NTNG1: variants seen among roughly 807,000 people sequenced by gnomAD.
The protein encoded by NTNG1 is netrin-G1.
NTNG1 carries 16 observed loss-of-function variants against 54.0 expected under a neutral mutation model. The ratio of observed to expected loss-of-function variants is 0.30; its 90% CI spans 0.20 to 0.45. The LOEUF (loss-of-function observed/expected upper bound fraction) is 0.45. NTNG1 is among the 20% of genes least tolerant of loss of function. The pLI is 1.00. For synonymous variants in NTNG1, 255 were observed against 263.1 expected (o/e 0.97, Z 0.30); for missense variants, 530 against 678.7 (o/e 0.78, Z 2.43).
At chr1:107,166,450 G>T (rs982145366) in intron 2 of NTNG1, among the ~76,000 whole-genome samples, 1 of 151,976 alleles carries the variant, frequency 6.6e-6, no homozygotes, top group Non-Finnish European at 1.5e-5. Context: ...ATCTTTAAAT[G>T]CAATAATGTA....
At chr1:107,380,097 T>C (rs917496120) in intron 3 of NTNG1, among the ~76,000 whole-genome samples, 2 of 152,224 alleles carry the variant, frequency 1.3e-5, no homozygotes, top group African/African-American at 4.8e-5. Flanking sequence ...GAGAACTGTC[T>C]GCAGTGACCT....
intron 3 of NTNG1, among the ~76,000 whole-genome samples, chr1:107,340,729 T>C (rs1034989819): frequency 3.9e-5 from 6 of 152,060 alleles, no homozygotes; most frequent in African/African-American, 1.4e-4. Context: ...CTGGTTTACA[T>C]AGAGAGGCAA....
chr1:107,284,765 A>C (rs1665087553), intron 2 of NTNG1, among the ~76,000 whole-genome samples: 2 of 152,074 alleles, frequency 1.3e-5, no homozygotes, highest in African/African-American at 4.8e-5. Context: ...TTTTTTCTCC[A>C]TTACAGTATT....
chr1:107,244,045 T>C (rs1359028423), intron 2 of NTNG1, among the ~76,000 whole-genome samples: 1 of 152,178 alleles, frequency 6.6e-6, no homozygotes, highest in East Asian at 1.9e-4. Flanking sequence ...TTTCAATCCA[T>C]GGCAATAATT....
chr1:107,222,226 A>G (rs1175185354), intron 2 of NTNG1, among the ~76,000 whole-genome samples: 1 of 151,990 alleles, frequency 6.6e-6, no homozygotes, highest in Non-Finnish European at 1.5e-5. Context: ...CCCACATGTT[A>G]TCTGTCTCTC....
chr1:107,367,463 A>G (rs1397222712), intron 3 of NTNG1, among the ~76,000 whole-genome samples: 1 of 152,124 alleles, frequency 6.6e-6, no homozygotes, highest in African/African-American at 2.4e-5. Flanking sequence ...CTTCATTTGT[A>G]ACTAAGATCA....
intron 3 of NTNG1, among the ~76,000 whole-genome samples, chr1:107,337,802 G>C (rs1447681938): frequency 6.6e-6 from 1 of 151,966 alleles, no homozygotes; most frequent in African/African-American, 2.4e-5. Flanking sequence ...ATGTTCAACA[G>C]GTTTCGAAGT....
intron 2 of NTNG1, among the ~76,000 whole-genome samples, chr1:107,170,151 C>A (rs532932306): frequency 2.0e-5 from 3 of 152,134 alleles, no homozygotes; most frequent in Admixed American, 6.6e-5. Flanking sequence ...GTAGCCTAGA[C>A]GAGTTGATGC....
chr1:107,348,885 A>G (rs1669426200), intron 3 of NTNG1, among the ~76,000 whole-genome samples: 1 of 152,050 alleles, frequency 6.6e-6, no homozygotes. Flanking sequence ...TCTCAACTCT[A>G]TTTTCCACTC....
chr1:107,337,380 A>G (rs185075083), intron 3 of NTNG1, among the ~76,000 whole-genome samples: 1 of 152,190 alleles, frequency 6.6e-6, no homozygotes. Flanking sequence ...ATGTTACATG[A>G]TATGCAACTT....
intron 2 of NTNG1, among the ~76,000 whole-genome samples, chr1:107,208,717 C>G (rs1385486823): frequency 6.6e-6 from 1 of 152,094 alleles, no homozygotes; most frequent in Non-Finnish European, 1.5e-5. Flanking sequence ...AGGCATGTAT[C>G]CCCTACTCTC....
At chr1:107,468,809 A>G (rs1485749638) in intron 7 of NTNG1, among the ~76,000 whole-genome samples, 1 of 151,702 alleles carries the variant, frequency 6.6e-6, no homozygotes, top group Non-Finnish European at 1.5e-5. Context: ...ATGAAAAATG[A>G]TAGGAAGGCC....
In NTNG1 at chr1:107,220,220, A is replaced by T. The variant is rs772136933; in HGVS notation, c.246+71381A>T. Among the ~76,000 whole-genome samples the T allele has an allele frequency of 2.0e-4, 30 of 152,184 alleles. 1 individual carries two copies. Among genetic ancestry groups the T allele is most frequent in the Non-Finnish European group, 4.4e-5 (3 of 68,024 alleles). ...GCCCTCCTCACCCTCCGCCAACAGC[A>T]CTGAGTTTATTTCCAGGCAGCTGGT... On this transcript the variant is annotated intron_variant, in intron 2 of 7. Coordinates refer to ENST00000370068, the MANE Select transcript of NTNG1 (RefSeq NM_001113226.3).
intron 2 of NTNG1, among the ~76,000 whole-genome samples, chr1:107,152,993 G>T (rs1469231974): frequency 6.6e-6 from 1 of 152,140 alleles, no homozygotes; most frequent in Non-Finnish European, 1.5e-5. Flanking sequence ...GCTCTCGATA[G>T]GCATTTATTC....
chr1:107,146,725 A>T (rs138651381), intron 1 of NTNG1, among the ~76,000 whole-genome samples: 71 of 152,228 alleles, frequency 4.7e-4, no homozygotes, highest in East Asian at 3.3e-3. Flanking sequence ...TGAATTGAAT[A>T]TAATGAAAAT....
At chr1:107,246,274 C>T (rs547656933) in intron 2 of NTNG1, among the ~76,000 whole-genome samples, 1 of 152,186 alleles carries the variant, frequency 6.6e-6, no homozygotes, top group African/African-American at 2.4e-5. Context: ...AGAATAGTCT[C>T]GATCTCCTGA....
intron 2 of NTNG1, among the ~76,000 whole-genome samples, chr1:107,281,343 A>G (rs1440856175): frequency 2.0e-5 from 3 of 151,726 alleles, no homozygotes; most frequent in African/African-American, 4.8e-5. Context: ...TGGAATTTAT[A>G]TTTAGCAGGG....
intron 2 of NTNG1, among the ~76,000 whole-genome samples, chr1:107,236,879 T>C (rs150764687): frequency 2.6e-4 from 40 of 152,316 alleles, no homozygotes; most frequent in African/African-American, 8.4e-4. Flanking sequence ...CTCTTTCTTT[T>C]GTAAATTGCC....
intron 3 of NTNG1, 82 bp downstream of exon 3, chr1:107,325,004 A>T: frequency 7.3e-7 from 1 of 1,378,406 alleles, no homozygotes; most frequent in South Asian, 1.4e-5. Flanking sequence ...GTAAAGTGAC[A>T]TTTGTCAATT....
Sources: gnomAD v4.1 joint callset for allele counts (sites outside exome capture counted in the v4.1 genomes callset) on GRCh38, gnomAD v4.1.1 for gene constraint, MANE v1.5 for transcripts, NCBI Gene and HGNC (gene_info 2026-07-23, HGNC 2026-07-21) for gene names.